Variants in EPG5 observed in about 807,000 individuals in gnomAD.
EPG5 encodes the protein ectopic P-granules 5 autophagy tethering factor, also known as ectopic P granules protein 5 homolog.
EPG5 carries 159 observed loss-of-function variants against 302.7 expected under a neutral mutation model. That is an observed-to-expected ratio of 0.53 (90% CI 0.46 to 0.60). The LOEUF is 0.60. Among genes scored for constraint, EPG5 ranks in the 20% least tolerant of loss-of-function variants. EPG5 has a pLI of 0.00. For missense variants in EPG5, 2,896 were observed against 3,092.4 expected, an observed-to-expected ratio of 0.94 and a Z score of 1.51; for synonymous variants, 1,158 against 1,136.8, an observed-to-expected ratio of 1.02 and a Z score of -0.37.
intron 37 of EPG5, 135 bp from the exon 38 acceptor site, chr18:45,867,142 T>A: frequency 1.5e-6 from 1 of 662,236 alleles, no homozygotes; most frequent in Non-Finnish European, 2.6e-6. Flanking sequence ...CAAGTAAGTA[T>A]CTACTCGAGT....
chr18:45,958,601 T>C (rs529453156), intron 1 of EPG5, among the ~76,000 whole-genome samples: 2 of 152,336 alleles, frequency 1.3e-5, no homozygotes, highest in South Asian at 4.1e-4. Flanking sequence ...AACAACTGGA[T>C]ATCCTCATAT....
In EPG5 at chr18:45,884,648, T is replaced by C. The variant is rs143519809; in HGVS notation, c.5273A>G (p.Asn1758Ser). 2.8e-4 allele frequency: 450 copies of C among 1,608,932 alleles called. 4 individuals are homozygous for C. The East Asian group carries it at 9.6e-3, about 34-fold the overall frequency. ...EQVVKFLSED[N>S]SDMIFMLLTK... ...TAGCAGCATGAAAATCATATCACTGTTGTCCTCACTTAGAAACTTCACCAC... is the reference window on the plus strand; with the variant it reads ...TAGCAGCATGAAAATCATATCACTGCTGTCCTCACTTAGAAACTTCACCAC... The change falls in exon 30 of 44, where the codon AAC becomes AGC. Residue 1758 changes from asparagine (N) to serine (S), a missense_variant. Transcript: ENST00000282041.
Position 45,880,119 on chromosome 18 carries a change from C to A in EPG5, c.5623G>T (p.Ala1875Ser), listed in dbSNP as rs748003451. ...CQQGAASTEGAVLPSSSDALL... is the reference protein window; with the variant it reads ...CQQGAASTEGSVLPSSSDALL... ...GCATCAGAAGAGCTGGGAAGCACGG[C>A]GCCCTCGGTGGACGCTGCCCCCTGC... Residue 1875 changes from alanine to serine, a missense_variant, in exon 32 of 44, where the codon GCC (alanine) becomes TCC (serine). By Grantham distance (99) the Ala-to-Ser change is moderately conservative (BLOSUM62 1). This residue lies in a region of EPG5 where 790 missense variants were observed against 798.0 expected (regional missense o/e 0.99). Coordinates refer to ENST00000282041, the MANE Select transcript of EPG5 (RefSeq NM_020964.3). 1.9e-6 allele frequency: 3 copies of A among 1,610,394 alleles called. No homozygotes were observed. The highest frequency in any genetic ancestry group is 2.2e-5 in the East Asian group (1 of 44,778).
intron 14 of EPG5, among the ~76,000 whole-genome samples, chr18:45,923,959 C>G (rs2050212250): frequency 6.7e-6 from 1 of 149,364 alleles, no homozygotes; most frequent in South Asian, 2.1e-4. Flanking sequence ...ACCCAGGAGG[C>G]AGAGGTTGCA....
At chr18:45,874,593 C>G (rs986607363) in intron 35 of EPG5, among the ~76,000 whole-genome samples, 24 of 152,098 alleles carry the variant, frequency 1.6e-4, no homozygotes, top group Admixed American at 1.6e-3. Flanking sequence ...TACGGGAAAC[C>G]CCTTATCAAA....
At chr18:45,956,242 C>A (rs1430091846) in intron 1 of EPG5, among the ~76,000 whole-genome samples, 1 of 152,018 alleles carries the variant, frequency 6.6e-6, no homozygotes, top group Non-Finnish European at 1.5e-5. Flanking sequence ...AAAACCCAAA[C>A]TAAGGGACAG....
the EPG5 span, among the ~76,000 whole-genome samples, chr18:45,818,467 T>TA: frequency 6.6e-6 from 1 of 152,202 alleles, no homozygotes; most frequent in South Asian, 2.1e-4. Context: ...TCCCTTTCCC[T>TA]ACTCTTGTCA....
Position 45,851,968 on chromosome 18 carries a change from A to T in EPG5, c.*499T>A, listed in dbSNP as rs993197877. On this transcript the variant is annotated 3_prime_UTR_variant, in exon 44 of 44. Transcript: ENST00000282041. ...CCCTTCTGAGAAAAACAATACTTTA[A>T]AACTATTGTATTTGTCCACATTTGA... The T allele has an allele frequency of 1.3e-5, 2 of 152,472 alleles. No individual in the cohort carries two copies. The highest frequency in any genetic ancestry group is 2.4e-5 in the African/African-American group (1 of 41,456). 9.4% of individuals were successfully genotyped at this position (152,472 alleles called of 1,614,324 possible). A position where few individuals can be genotyped will look rare whatever the true frequency, so the allele number is the denominator to read the frequency against.
chr18:45,885,658 A>G (rs1310492005), intron 29 of EPG5, among the ~76,000 whole-genome samples: 1 of 152,208 alleles, frequency 6.6e-6, no homozygotes, highest in Non-Finnish European at 1.5e-5. Context: ...GAAGGCTTTC[A>G]TATGGTTGAC....
intron 12 of EPG5, 81 bp from the exon 13 acceptor site, chr18:45,929,090 C>A: frequency 2.9e-6 from 4 of 1,374,206 alleles, no homozygotes; most frequent in East Asian, 2.4e-5. Flanking sequence ...TTTTTTCAAG[C>A]AAAGCAGAAA....
At chr18:45,803,388 A>G in the EPG5 span, among the ~76,000 whole-genome samples, 1 of 152,190 alleles carries the variant, frequency 6.6e-6, no homozygotes, top group African/African-American at 2.4e-5. Flanking sequence ...TGGAGAGTAT[A>G]CAACAGCAAG....
At chr18:45,821,119 A>G in the EPG5 span, among the ~76,000 whole-genome samples, 7 of 152,244 alleles carry the variant, frequency 4.6e-5, no homozygotes, top group Non-Finnish European at 5.9e-5. Flanking sequence ...GTGAAAATAC[A>G]TTGCAAAGTA....
intron 36 of EPG5, among the ~76,000 whole-genome samples, chr18:45,869,874 G>A (rs1420437333): frequency 6.6e-6 from 1 of 150,642 alleles, no homozygotes; most frequent in African/African-American, 2.4e-5. Context: ...TAACTGATGA[G>A]ACTATGAACA....
At chr18:45,938,906 GA>G (rs2050597903) in intron 10 of EPG5, among the ~76,000 whole-genome samples, 1 of 152,162 alleles carries the variant, frequency 6.6e-6, no homozygotes, top group South Asian at 2.1e-4. Context: ...GCTAGCTCAG[GA>G]GAGGGCCAAA....
chr18:45,884,587 C>T (rs768667852), intron 30 of EPG5, 30 bp downstream of exon 30: 4 of 1,552,872 alleles, frequency 2.6e-6, no homozygotes, highest in Non-Finnish European at 3.5e-6. Context: ...TACGTTTCAA[C>T]AATATGGTGA....
the EPG5 span, among the ~76,000 whole-genome samples, chr18:45,837,245 G>A: frequency 3.9e-4 from 59 of 152,328 alleles, no homozygotes; most frequent in African/African-American, 1.1e-3. Context: ...GAAACGAAGA[G>A]GGGAATAGTC....
chr18:45,919,057 A>G (rs1357947872), intron 16 of EPG5, among the ~76,000 whole-genome samples: 1 of 152,234 alleles, frequency 6.6e-6, no homozygotes, highest in Non-Finnish European at 1.5e-5. Context: ...ATCTTTAAAA[A>G]GATCAAAGGA....
intron 29 of EPG5, among the ~76,000 whole-genome samples, chr18:45,886,381 T>C (rs1004363154): frequency 6.6e-6 from 1 of 152,234 alleles, no homozygotes; most frequent in African/African-American, 2.4e-5. Context: ...GATATAGGTC[T>C]GTATTTATTA....
intron 38 of EPG5, 134 bp from the exon 39 acceptor site, chr18:45,865,893 A>C: frequency 9.7e-7 from 1 of 1,033,554 alleles, no homozygotes; most frequent in Non-Finnish European, 1.4e-6. Context: ...AAGCCACATG[A>C]AGACTTAGTC....
Sources: gnomAD v4.1 joint callset for allele counts (sites outside exome capture counted in the v4.1 genomes callset) on GRCh38, gnomAD v4.1.1 for gene constraint, gnomAD v4.1.1 regional missense constraint, MANE v1.5 for transcripts, NCBI Gene and HGNC (gene_info 2026-07-23, HGNC 2026-07-21) for gene names.